HAPSTR1: variants seen among roughly 807,000 people sequenced by gnomAD.
The protein encoded by HAPSTR1 is HUWE1-associated protein modifying stress responses 1.
the HAPSTR1 span, chr16:9,110,102 A>AT: frequency 6.6e-6 from 1 of 150,762 alleles, no homozygotes; most frequent in Non-Finnish European, 1.5e-5. Context: ...AGGGAATCAG[A>AT]TTGAGGCACC....
At chr16:9,109,741 C>T in the HAPSTR1 span, 2 of 152,110 alleles carry the variant, frequency 1.3e-5, no homozygotes, top group Non-Finnish European at 2.9e-5. Context: ...TAGGCATGCT[C>T]AGGCAGTCTA....
At chr16:9,110,224 A>C in the HAPSTR1 span, 1 of 135,402 alleles carries the variant, frequency 7.4e-6, no homozygotes, top group African/African-American at 2.9e-5. Context: ...TTATTCTCTT[A>C]AATCATTAAG....
the HAPSTR1 span, among the ~76,000 whole-genome samples, chr16:9,096,175 G>A: frequency 2.2e-4 from 33 of 152,274 alleles, no homozygotes; most frequent in African/African-American, 7.7e-4. Context: ...CTTAAATAGG[G>A]ATAACTACCA....
chr16:9,091,822 G>C, the HAPSTR1 span: 2 of 393,166 alleles, frequency 5.1e-6, no homozygotes, highest in Non-Finnish European at 8.9e-6. Context: ...GGCCGGGCCC[G>C]GGGGTGGGAA....
the HAPSTR1 span, chr16:9,116,605 G>T: frequency 6.4e-7 from 1 of 1,567,226 alleles, no homozygotes; most frequent in South Asian, 1.2e-5. Context: ...TGGAAAGTAA[G>T]TGGGTTGCTT....
chr16:9,094,974 T>G, the HAPSTR1 span, among the ~76,000 whole-genome samples: 1 of 152,246 alleles, frequency 6.6e-6, no homozygotes. Flanking sequence ...AAATAATCCT[T>G]AATTTGATTA....
the HAPSTR1 span, among the ~76,000 whole-genome samples, chr16:9,095,707 G>C: frequency 2.0e-5 from 3 of 151,704 alleles, no homozygotes; most frequent in Admixed American, 6.6e-5. Context: ...GTTGAAAATT[G>C]AGTTAATTGG....
At chr16:9,098,301 C>G in the HAPSTR1 span, among the ~76,000 whole-genome samples, 2 of 152,176 alleles carry the variant, frequency 1.3e-5, no homozygotes, top group Non-Finnish European at 2.9e-5. Flanking sequence ...CCATTGCACT[C>G]CAGCCTGGGC....
At chr16:9,102,513 C>T in the HAPSTR1 span, among the ~76,000 whole-genome samples, 1 of 152,204 alleles carries the variant, frequency 6.6e-6, no homozygotes, top group Non-Finnish European at 1.5e-5. Flanking sequence ...GTTGAGCCAT[C>T]AGTCAGAATT....
the HAPSTR1 span, chr16:9,092,418 C>A: frequency 2.8e-6 from 2 of 706,820 alleles, no homozygotes; most frequent in Non-Finnish European, 3.8e-6. Flanking sequence ...CTGCCGCCCC[C>A]TCCCCGCAAG....
At chr16:9,096,480 A>G in the HAPSTR1 span, among the ~76,000 whole-genome samples, 1 of 152,200 alleles carries the variant, frequency 6.6e-6, no homozygotes, top group Non-Finnish European at 1.5e-5. Context: ...CTTTTGATAC[A>G]TCTTGATGCC....
At chr16:9,096,452 G>C in the HAPSTR1 span, among the ~76,000 whole-genome samples, 1 of 152,174 alleles carries the variant, frequency 6.6e-6, no homozygotes, top group Non-Finnish European at 1.5e-5. Flanking sequence ...AAAATAGTCT[G>C]ATGCCCTTAA....
the HAPSTR1 span, chr16:9,121,329 G>C: frequency 2.6e-5 from 4 of 152,240 alleles, no homozygotes; most frequent in Non-Finnish European, 5.9e-5. Context: ...ATAAAATACT[G>C]ATGGGTCTTG....
the HAPSTR1 span, chr16:9,103,691 A>T: frequency 6.2e-6 from 1 of 161,816 alleles, no homozygotes; most frequent in Non-Finnish European, 1.4e-5. Context: ...CTCCCTTGAC[A>T]CCTTTCTTAC....
At chr16:9,113,944 C>T in the HAPSTR1 span, among the ~76,000 whole-genome samples, 2 of 152,114 alleles carry the variant, frequency 1.3e-5, no homozygotes, top group African/African-American at 2.4e-5. Context: ...CCTTTGATTT[C>T]AGTGGATTTC....
At chr16:9,109,668 CTTTAATCTTCCCAAT>C in the HAPSTR1 span, 1 of 152,230 alleles carries the variant, frequency 6.6e-6, no homozygotes, top group African/African-American at 2.4e-5. Flanking sequence ...CCTTTTTTGG[CTTTAATCTTCCCAAT>C]TGTAAGTTCC....
At chr16:9,117,087 G>T in the HAPSTR1 span, 1 of 856,258 alleles carries the variant, frequency 1.2e-6, no homozygotes, top group East Asian at 2.7e-5. Context: ...GATGCCTCTT[G>T]TAATTATGGC....
the HAPSTR1 span, among the ~76,000 whole-genome samples, chr16:9,101,742 AT>A: frequency 0.5 from 69,710 of 140,150 alleles, 17,777 homozygotes; most frequent in African/African-American, 0.69. Context: ...TGTCTGGATG[AT>A]TTTTTTTTTT....
At chr16:9,106,812 C>T in the HAPSTR1 span, 1 of 151,952 alleles carries the variant, frequency 6.6e-6, no homozygotes, top group African/African-American at 2.4e-5. Context: ...TATAAAATAA[C>T]ATTATTATAA....
Sources: allele counts gnomAD v4.1 joint callset (sites outside exome capture counted in the v4.1 genomes callset), GRCh38; gene constraint gnomAD v4.1.1; transcripts MANE v1.5; gene names NCBI Gene and HGNC (gene_info 2026-07-23, HGNC 2026-07-21).